Variants in TCP11L2 observed in about 807,000 individuals in gnomAD.
TCP11L2 encodes the protein T-complex protein 11-like protein 2.
TCP11L2 carries 39 observed loss-of-function variants against 50.7 expected under a neutral mutation model. The ratio of observed to expected loss-of-function variants is 0.77; its 90% CI spans 0.60 to 1.01. TCP11L2 has a LOEUF of 1.01. Ranked by LOEUF, TCP11L2 falls within the 50% of genes least tolerant of loss-of-function variation. The pLI is 0.00. For missense variants in TCP11L2, 612 were observed against 614.7 expected (o/e 1.00, Z 0.05); for synonymous variants, 192 against 219.3 (o/e 0.88, Z 1.10).
At position 106,346,599 on chromosome 12, in the gene TCP11L2, G is replaced by A. The variant is rs1221046122; in HGVS notation, c.*69G>A. 10 of 1,540,598 alleles carry A rather than the reference G, an allele frequency of 6.5e-6. No individual in the cohort carries two copies. Among genetic ancestry groups the A allele is most frequent in the South Asian group, 6.2e-5 (5 of 81,134 alleles). Reference sequence around the variant, plus strand: ...GGTATCCAGTCCACTTCCATTGATGGCATTAGAGATCCAGCACATTCTCAG... The same window carrying A: ...GGTATCCAGTCCACTTCCATTGATGACATTAGAGATCCAGCACATTCTCAG... On this transcript the variant is annotated 3_prime_UTR_variant, in exon 10 of 10. Coordinates refer to ENST00000299045, the MANE Select transcript of TCP11L2 (RefSeq NM_152772.3).
chr12:106,325,301 A>G (rs2035497572), intron 6 of TCP11L2: 1 of 152,226 alleles, frequency 6.6e-6, no homozygotes. Context: ...GTGAGTGTGG[A>G]CTCTGAAAGA....
chr12:106,323,664 T>C lies in TCP11L2; in HGVS notation c.772+18T>C, dbSNP rs371393637. The C allele has an allele frequency of 1.5e-6, 2 of 1,320,514 alleles. No individual in the cohort carries two copies. Among genetic ancestry groups the C allele is most frequent in the Non-Finnish European group, 2.0e-6 (2 of 999,898 alleles). 81.8% of individuals were successfully genotyped at this position (1,320,514 alleles called of 1,614,324 possible). On this transcript the variant is annotated intron_variant, in intron 6 of 9. Coordinates refer to ENST00000299045, the MANE Select transcript of TCP11L2 (RefSeq NM_152772.3). ...AACTCCAAGTGAGTATAATATAATG[T>C]GTATTTATATTGAAATTAGGTTAAA...
intron 2 of TCP11L2, chr12:106,312,557 C>G: frequency 2.4e-6 from 1 of 423,044 alleles, no homozygotes; most frequent in Non-Finnish European, 3.3e-6. Context: ...CTTCTTCCTC[C>G]TCTTTCCCTG....
intron 9 of TCP11L2, among the ~76,000 whole-genome samples, chr12:106,341,838 C>G (rs2036101406): frequency 6.6e-6 from 1 of 152,186 alleles, no homozygotes; most frequent in Non-Finnish European, 1.5e-5. Context: ...ATCATTGAGT[C>G]TCAGTGGCTC....
intron 6 of TCP11L2, among the ~76,000 whole-genome samples, chr12:106,333,713 G>T (rs17284674): frequency 0.37 from 55,541 of 151,826 alleles, 10,769 homozygotes; most frequent in African/African-American, 0.48. Flanking sequence ...TACTAAAAAC[G>T]CTTCACTTCC....
At chr12:106,308,135 C>G (rs1194549394) in intron 1 of TCP11L2, among the ~76,000 whole-genome samples, 1 of 152,198 alleles carries the variant, frequency 6.6e-6, no homozygotes, top group East Asian at 1.9e-4. Flanking sequence ...GCCAGGAACT[C>G]TACCTCCAGT....
At chr12:106,341,073 T>C in intron 9 of TCP11L2, 75 bp downstream of exon 9, 3 of 1,294,950 alleles carry the variant, frequency 2.3e-6, no homozygotes, top group South Asian at 2.8e-5. Flanking sequence ...ATTAAGTCAG[T>C]CAAATTTTGA....
intron 1 of TCP11L2, among the ~76,000 whole-genome samples, chr12:106,310,483 A>G (rs1189671155): frequency 6.6e-6 from 1 of 152,216 alleles, no homozygotes; most frequent in African/African-American, 2.4e-5. Context: ...CTGATTTCAC[A>G]GCTATTTTAT....
Position 106,346,635 on chromosome 12 carries a change from C to T in TCP11L2, c.*105C>T. On this transcript the variant is annotated 3_prime_UTR_variant, in exon 10 of 10. Coordinates refer to ENST00000299045, the MANE Select transcript of TCP11L2 (RefSeq NM_152772.3). ...CCAGCACATTCTCAGTACTGTGGTG[C>T]AGTATTAGCCCAAATCTGTGTAATG... 7.2e-7 allele frequency: 1 copy of T among 1,396,116 alleles called. No individual in the cohort carries two copies. The highest frequency in any genetic ancestry group is 2.4e-5 in the Admixed American group (1 of 42,266). 86.5% of individuals were successfully genotyped at this position (1,396,116 alleles called of 1,614,324 possible). A position where few individuals can be genotyped will look rare whatever the true frequency, so the allele number is the denominator to read the frequency against.
rs778135618 is a variant in TCP11L2, at chr12:106,336,217, A to G, written c.1142+4A>G. ...TACTTGAAGGCATGAACAAAGAGTAAGTTCCAAATTTTTGCATCTGCTCCC... is the reference window on the plus strand; with the variant it reads ...TACTTGAAGGCATGAACAAAGAGTAGGTTCCAAATTTTTGCATCTGCTCCC... On this transcript the variant is annotated splice_donor_region_variant and intron_variant, in intron 8 of 9. Coordinates refer to ENST00000299045, the MANE Select transcript of TCP11L2 (RefSeq NM_152772.3). 1 of 1,601,218 alleles carries G rather than the reference A, an allele frequency of 6.2e-7. No homozygotes were observed. The highest frequency in any genetic ancestry group is 8.5e-7 in the Non-Finnish European group (1 of 1,175,844).
intron 4 of TCP11L2, among the ~76,000 whole-genome samples, chr12:106,320,055 C>A (rs961736188): frequency 1.4e-4 from 21 of 152,298 alleles, no homozygotes; most frequent in South Asian, 4.1e-4. Context: ...AGCAGATCCT[C>A]GCATCATATT....
At chr12:106,319,740 T>TC (rs1266712529) in intron 4 of TCP11L2, among the ~76,000 whole-genome samples, 4 of 152,224 alleles carry the variant, frequency 2.6e-5, no homozygotes, top group African/African-American at 9.6e-5. Context: ...TTATTAAAAA[T>TC]CCAAGTTTTC....
At chr12:106,318,838 G>A (rs1201571366) in intron 4 of TCP11L2, among the ~76,000 whole-genome samples, 1 of 152,042 alleles carries the variant, frequency 6.6e-6, no homozygotes, top group Non-Finnish European at 1.5e-5. Flanking sequence ...AGCCTCCCAA[G>A]TATCTGGGAC....
intron 4 of TCP11L2, among the ~76,000 whole-genome samples, chr12:106,319,569 GTC>G (rs777290672): frequency 3.3e-5 from 5 of 152,182 alleles, no homozygotes; most frequent in Non-Finnish European, 7.3e-5. Flanking sequence ...CTCTCTTTAA[GTC>G]TCTCTTTCCT....
intron 8 of TCP11L2, 27 bp downstream of exon 8, chr12:106,336,240 C>T (rs1382295847): frequency 3.1e-6 from 5 of 1,590,592 alleles, no homozygotes; most frequent in Non-Finnish European, 4.3e-6. Context: ...TGCATCTGCT[C>T]CCTCTTGTAT....
At position 106,340,930 on chromosome 12, in the gene TCP11L2, T is replaced by C. The variant is rs371746909; in HGVS notation, c.1247T>C (p.Ile416Thr). Residue 416 changes from isoleucine to threonine, a missense_variant, in exon 9 of 10, where the codon ATT becomes ACT. By Grantham distance (89) the Ile-to-Thr change is moderately conservative. Coordinates refer to ENST00000299045, the MANE Select transcript of TCP11L2 (RefSeq NM_152772.3). ...ERGLPTLNAE[I>T]QANLIGQFSS... ...GGTTTACCCACTTTAAATGCTGAGA[T>C]TCAAGCTAATCTTATAGGTCAATTT... 1.2e-6 allele frequency: 2 copies of C among 1,613,796 alleles called. No homozygotes were observed. The highest frequency in any genetic ancestry group is 1.7e-6 in the Non-Finnish European group (2 of 1,179,846).
rs573525625 is a variant in TCP11L2 at position 106,317,448 on chromosome 12, G to A, written c.294-896G>A. ...TGAGAATCACTTGAACCTGGGAGGC[G>A]GAGGCCGCAGTAAGCTGAGACTGCG... is the stretch of plus-strand genomic sequence containing the variant. On this transcript the variant is annotated intron_variant, in intron 3 of 9. Transcript: ENST00000299045. Among the ~76,000 whole-genome samples, 24 of 152,342 alleles carry A rather than the reference G, an allele frequency of 1.6e-4. No individual in the cohort carries two copies. In the East Asian group the frequency reaches 3.1e-3, roughly 20 times the overall value.
chr12:106,311,972 A>C (rs1486004594), intron 2 of TCP11L2, among the ~76,000 whole-genome samples: 1 of 152,172 alleles, frequency 6.6e-6, no homozygotes, highest in Non-Finnish European at 1.5e-5. Flanking sequence ...AAATTTTTAC[A>C]TTCTCATTTT....
intron 9 of TCP11L2, among the ~76,000 whole-genome samples, chr12:106,343,126 G>A (rs748631933): frequency 4.6e-5 from 7 of 152,162 alleles, no homozygotes; most frequent in East Asian, 1.9e-4. Context: ...CAGGGACTCC[G>A]TGTGGCTGCT....
Sources: allele counts gnomAD v4.1 joint callset (sites outside exome capture counted in the v4.1 genomes callset), GRCh38; gene constraint gnomAD v4.1.1; transcripts MANE v1.5; gene names NCBI Gene and HGNC (gene_info 2026-07-23, HGNC 2026-07-21).